The following ARID4A variants were observed in gnomAD, a reference collection of about 807,000 sequenced individuals.
ARID4A encodes AT-rich interactive domain-containing protein 4A.
ARID4A carries 39 observed loss-of-function variants against 148.6 expected under a neutral mutation model. The ratio of observed to expected loss-of-function variants is 0.26; its 90% CI spans 0.20 to 0.34. ARID4A has a LOEUF of 0.34. Among genes scored for constraint, ARID4A ranks in the 10% least tolerant of loss-of-function variants. The pLI, the probability that ARID4A is intolerant of heterozygous loss-of-function variation, is 1.00. For synonymous variants in ARID4A, 475 were observed against 481.2 expected (o/e 0.99, Z 0.17); for missense variants, 1,265 against 1,449.1 (o/e 0.87, Z 2.06).
Position 58,347,749 on chromosome 14 carries a change from A to G in ARID4A, c.1275A>G (p.Glu425=), listed in dbSNP as rs1265039969. 1.2e-6 allele frequency: 2 copies of G among 1,613,772 alleles called. No individual in the cohort carries two copies. Among genetic ancestry groups the G allele is most frequent in the African/African-American group, 1.3e-5 (1 of 74,930 alleles). ...PKVKEEKKDL[E]ESMEEALKLD... is the part of the protein sequence containing the mutation. ...TAAAAGAGGAAAAAAAAGACTTAGA[A>G]GAATCAATGGAAGAGGCTCTCAAAT... The change falls in exon 15 of 24, where the codon GAA becomes GAG. Residue 425 remains glutamate, a synonymous_variant. Coordinates refer to ENST00000355431, the MANE Select transcript of ARID4A (RefSeq NM_002892.4).
At chr14:58,326,935 G>A (rs925017944) in intron 8 of ARID4A, among the ~76,000 whole-genome samples, 1 of 152,028 alleles carries the variant, frequency 6.6e-6, no homozygotes, top group Non-Finnish European at 1.5e-5. Flanking sequence ...TGCCCCTCCA[G>A]TATACTGTTA....
chr14:58,310,689 G>A (rs2031957947), intron 5 of ARID4A, among the ~76,000 whole-genome samples: 1 of 148,316 alleles, frequency 6.7e-6, no homozygotes, highest in South Asian at 2.1e-4. Flanking sequence ...AGGGGAAGAG[G>A]CTTTATGACA....
intron 4 of ARID4A, 85 bp downstream of exon 4, chr14:58,305,094 C>A: frequency 8.8e-7 from 1 of 1,140,406 alleles, no homozygotes; most frequent in Non-Finnish European, 1.2e-6. Context: ...ATAGACTTAA[C>A]ATTTTATGAG....
At chr14:58,305,889 A>C in intron 4 of ARID4A, 133 bp from the exon 5 acceptor site, 1 of 649,168 alleles carries the variant, frequency 1.5e-6, no homozygotes, top group East Asian at 2.7e-5. Flanking sequence ...TGAATGATAA[A>C]GATCTCAGAC....
At chr14:58,332,202 C>T (rs1280643319) in intron 11 of ARID4A, among the ~76,000 whole-genome samples, 1 of 151,948 alleles carries the variant, frequency 6.6e-6, no homozygotes, top group Admixed American at 6.6e-5. Context: ...AGCTCTGTTA[C>T]CTATTGTTTG....
chr14:58,356,882 A>T (rs1198981709), intron 17 of ARID4A, among the ~76,000 whole-genome samples: 4 of 151,924 alleles, frequency 2.6e-5, no homozygotes, highest in African/African-American at 9.7e-5. Flanking sequence ...TTGTATTTTT[A>T]GTAGAGACAG....
In ARID4A at chr14:58,323,493, A is replaced by G. The variant is rs1164295475; in HGVS notation, c.458A>G (p.Asp153Gly). 1 of 1,610,338 alleles carries G rather than the reference A, an allele frequency of 6.2e-7. No individual in the cohort carries two copies. The highest frequency in any genetic ancestry group is 1.3e-5 in the African/African-American group (1 of 74,882). The change falls in exon 8 of 24, where the codon GAT (aspartate) becomes GGT (glycine). Residue 153 changes from aspartate to glycine, a missense_variant. Transcript: ENST00000355431. ...GTTATTCTAACTTTTAGTACTGAAG[A>G]TGAAAAGGAAGAAGAAAGCAGTGAA... ...GRRSSLPVTEDEKEEESSEEE... is the reference protein window; with the variant it reads ...GRRSSLPVTEGEKEEESSEEE...
At chr14:58,342,216 A>T (rs185121543) in intron 11 of ARID4A, among the ~76,000 whole-genome samples, 8 of 152,346 alleles carry the variant, frequency 5.3e-5, no homozygotes, top group Admixed American at 4.6e-4. Context: ...GAAACATCAG[A>T]TAAGTTTAAA....
Position 58,360,962 on chromosome 14 carries a change from G to A in ARID4A, c.2000G>A (p.Gly667Glu), listed in dbSNP as rs145426502. ...RDEERQKSKR[G>E]RPPLKSTLSS... ...GAGGAGAGGCAGAAGTCAAAACGGG[G>A]ACGACCTCCTTTAAAATCAACCCTC... The change falls in exon 19 of 24, where the codon GGA (glycine) becomes GAA (glutamate). Residue 667 changes from glycine (G) to glutamate (E), a missense_variant. Physicochemically the swap from Gly to Glu is moderately conservative, Grantham distance 98. This residue lies in a region of ARID4A where 666 missense variants were observed against 730.9 expected (regional missense o/e 0.91). Coordinates refer to ENST00000355431, the MANE Select transcript of ARID4A (RefSeq NM_002892.4). 1.7e-5 allele frequency: 28 copies of A among 1,614,110 alleles called. No individual in the cohort carries two copies. The highest frequency in any genetic ancestry group is 2.4e-5 in the Non-Finnish European group (28 of 1,180,018).
intron 15 of ARID4A, among the ~76,000 whole-genome samples, chr14:58,349,062 T>A (rs1366218769): frequency 6.6e-6 from 1 of 152,224 alleles, no homozygotes; most frequent in Non-Finnish European, 1.5e-5. Context: ...TCTGTACCTA[T>A]GAATTTGATA....
intron 11 of ARID4A, among the ~76,000 whole-genome samples, chr14:58,339,190 T>A (rs1157771772): frequency 6.6e-6 from 1 of 151,886 alleles, no homozygotes. Flanking sequence ...TTGCCCAGTC[T>A]GGTCTAAAAC....
rs367570029 is a variant in ARID4A at position 58,364,529 on chromosome 14, C to A, written c.2440C>A (p.Gln814Lys). The A allele has an allele frequency of 6.2e-7, 1 of 1,611,308 alleles. No individual in the cohort carries two copies. The highest frequency in any genetic ancestry group is 1.7e-5 in the Admixed American group (1 of 59,516). ...AATTATAAAGATTTCATCATTTGGC[C>A]AGAATGAAGCAGGAAGTGAACCTCA... The part of the protein sequence containing the change: ...LEIIKISSFG[Q>K]NEAGSEPHIE... The change falls in exon 20 of 24, where the codon CAG becomes AAG. Residue 814 changes from glutamine to lysine, a missense_variant. Gln to Lys is a moderately conservative substitution (Grantham distance 53). Coordinates refer to ENST00000355431, the MANE Select transcript of ARID4A (RefSeq NM_002892.4).
chr14:58,323,591 G>C lies in ARID4A; in HGVS notation c.556G>C (p.Glu186Gln), dbSNP rs2033039754. 4.3e-6 allele frequency: 7 copies of C among 1,614,142 alleles called. No homozygotes were observed. The highest frequency in any genetic ancestry group is 5.9e-6 in the Non-Finnish European group (7 of 1,179,998). ...GKVVSVVSAT[E>Q]RTEWYPALVI... ...AGTTGTAAGTGTGGTGTCTGCAACG[G>C]AGAGGACTGAATGGTATCCTGCTTT... The change falls in exon 8 of 24, where the codon GAG becomes CAG. Residue 186 changes from glutamate (E) to glutamine (Q), a missense_variant. This residue lies in a region of ARID4A where 249 missense variants were observed against 277.2 expected (regional missense o/e 0.90). Transcript: ENST00000355431.
Position 58,372,509 on chromosome 14 carries a change from T to G in ARID4A, c.*520T>G, listed in dbSNP as rs1288817555. 1 of 220,218 alleles carries G rather than the reference T, an allele frequency of 4.5e-6. No homozygotes were observed. The highest frequency in any genetic ancestry group is 9.1e-6 in the Non-Finnish European group (1 of 109,798). 13.6% of individuals were successfully genotyped at this position (220,218 alleles called of 1,614,324 possible). Reference sequence around the variant, plus strand: ...CTGCCAAAGTATATGTTCAGCAGTGTGCCCAGGATTGAAGGTGTAAATGGG... The same window carrying G: ...CTGCCAAAGTATATGTTCAGCAGTGGGCCCAGGATTGAAGGTGTAAATGGG... On this transcript the variant is annotated 3_prime_UTR_variant, in exon 24 of 24. Coordinates refer to ENST00000355431, the MANE Select transcript of ARID4A (RefSeq NM_002892.4).
intron 17 of ARID4A, among the ~76,000 whole-genome samples, chr14:58,354,769 G>A (rs553126671): frequency 2.8e-4 from 42 of 152,048 alleles, no homozygotes; most frequent in African/African-American, 7.0e-4. Flanking sequence ...GTTGGTTTTC[G>A]TAATAAATCT....
In ARID4A at chr14:58,346,473, A is replaced by G. The variant is rs1208987210; in HGVS notation, c.1042A>G (p.Arg348Gly). 1 of 1,610,792 alleles carries G rather than the reference A, an allele frequency of 6.2e-7. No homozygotes were observed. The highest frequency in any genetic ancestry group is 8.5e-7 in the Non-Finnish European group (1 of 1,178,060). The change falls in exon 13 of 24, where the codon AGA becomes GGA. Residue 348 changes from arginine (R) to glycine (G), a missense_variant. By Grantham distance (125) the Arg-to-Gly change is moderately radical (BLOSUM62 -2). Coordinates refer to ENST00000355431, the MANE Select transcript of ARID4A (RefSeq NM_002892.4). ...YKDLNLFKLFRLVYHQGGCDN... is the reference protein window; with the variant it reads ...YKDLNLFKLFGLVYHQGGCDN... ...AGATCTCAATCTCTTCAAACTCTTCAGACTGGTTTATCATCAGGGTGGATG... is the reference window on the plus strand; with the variant it reads ...AGATCTCAATCTCTTCAAACTCTTCGGACTGGTTTATCATCAGGGTGGATG...
At chr14:58,365,951 T>C in intron 21 of ARID4A, 73 bp from the exon 22 acceptor site, 2 of 1,226,098 alleles carry the variant, frequency 1.6e-6, no homozygotes, top group Admixed American at 2.1e-5. Flanking sequence ...GAAATGTAAT[T>C]GTTAGGTCTG....
rs780502138 is a variant in ARID4A at position 58,360,903 on chromosome 14, TAAA to T, written c.1942_1944del (p.Lys648del). 1 of 1,613,834 alleles carries T rather than the reference TAAA, an allele frequency of 6.2e-7. No homozygotes were observed. Among genetic ancestry groups the T allele is most frequent in the Non-Finnish European group, 8.5e-7 (1 of 1,179,944 alleles). On this transcript the variant is annotated inframe_deletion, in exon 19 of 24. Coordinates refer to ENST00000355431, the MANE Select transcript of ARID4A (RefSeq NM_002892.4). ...TACATTTTGTTGTTGTTGCCCAGAA[TAAA>T]GAAGATAGTGAAAAGGACGAAAAGA...
intron 11 of ARID4A, among the ~76,000 whole-genome samples, chr14:58,334,311 GA>G (rs1289165928): frequency 6.6e-6 from 1 of 152,132 alleles, no homozygotes; most frequent in Non-Finnish European, 1.5e-5. Context: ...TTCAAATGGG[GA>G]AAAATTACTA....
Sources: gnomAD v4.1 joint callset for allele counts (sites outside exome capture counted in the v4.1 genomes callset) on GRCh38, gnomAD v4.1.1 for gene constraint, gnomAD v4.1.1 regional missense constraint, MANE v1.5 for transcripts, NCBI Gene and HGNC (gene_info 2026-07-23, HGNC 2026-07-21) for gene names.